The following SLC22A16 variants were observed in gnomAD, a reference collection of about 807,000 sequenced individuals.
SLC22A16 encodes solute carrier family 22 member 16.
Under a neutral mutation model 52.9 loss-of-function variants are expected in SLC22A16, and 53 were observed. That is an observed-to-expected ratio of 1.00 (90% CI 0.80 to 1.26). The LOEUF (loss-of-function observed/expected upper bound fraction) is 1.26, where lower values mean the gene tolerates loss of function less well. SLC22A16 is among the 50% of genes most tolerant of loss of function. SLC22A16 has a pLI of 0.00. For missense variants in SLC22A16, 726 were observed against 704.0 expected (o/e 1.03, Z -0.35); for synonymous variants, 291 against 268.8 (o/e 1.08, Z -0.81).
intron 1 of SLC22A16, among the ~76,000 whole-genome samples, chr6:110,474,421 T>C (rs564505060): frequency 6.6e-6 from 1 of 152,306 alleles, no homozygotes; most frequent in African/African-American, 2.4e-5. Flanking sequence ...TTAGAACAAA[T>C]ACCTGAGAAA....
rs1187342031 is a variant in SLC22A16, at chr6:110,446,987, T to A, written c.537A>T (p.Leu179=). The A allele has an allele frequency of 1.9e-6, 3 of 1,611,756 alleles. No homozygotes were observed. Among genetic ancestry groups the A allele is most frequent in the East Asian group, 4.5e-5 (2 of 44,872 alleles). ...TGGCCCACAAGACCACCCGGCGTCC[T>A]AGCCTGAAAAATAAGAGTCACACAG... ...SVTFGYFSDR[L]GRRVVLWATS... The change falls in exon 3 of 8, where the codon CTA becomes CTT. Residue 179 remains leucine, a synonymous_variant. Coordinates refer to ENST00000368919, the MANE Select transcript of SLC22A16 (RefSeq NM_033125.4).
chr6:110,456,510 T>C, intron 2 of SLC22A16, 28 bp downstream of exon 2: 1 of 1,610,116 alleles, frequency 6.2e-7, no homozygotes, highest in Non-Finnish European at 8.5e-7. Flanking sequence ...CCTACACTGA[T>C]ACAACAATCC....
intron 1 of SLC22A16, among the ~76,000 whole-genome samples, chr6:110,472,861 A>AGG (rs1268619524): frequency 2.0e-5 from 3 of 152,238 alleles, no homozygotes; most frequent in African/African-American, 7.2e-5. Flanking sequence ...CAGAAGCCCC[A>AGG]GGGAATGGAC....
At chr6:110,457,703 G>C (rs991915310) in intron 1 of SLC22A16, among the ~76,000 whole-genome samples, 1 of 152,204 alleles carries the variant, frequency 6.6e-6, no homozygotes, top group Non-Finnish European at 1.5e-5. Flanking sequence ...AAGGGACATG[G>C]TGAGAAGTGA....
At chr6:110,454,442 C>G (rs1437188499) in intron 2 of SLC22A16, among the ~76,000 whole-genome samples, 1 of 149,316 alleles carries the variant, frequency 6.7e-6, no homozygotes, top group African/African-American at 2.5e-5. Flanking sequence ...AAATGAATAC[C>G]AGTTAATGGT....
chr6:110,450,611 C>CAA (rs35567505), intron 2 of SLC22A16, among the ~76,000 whole-genome samples: 4,107 of 47,422 alleles, frequency 0.087, 318 homozygotes, highest in East Asian at 0.17. Flanking sequence ...GACATCTTCT[C>CAA]AAAAAAAAAA....
intron 2 of SLC22A16, among the ~76,000 whole-genome samples, chr6:110,447,615 T>C (rs1046131162): frequency 1.3e-5 from 2 of 152,186 alleles, no homozygotes; most frequent in Non-Finnish European, 2.9e-5. Context: ...CCAGGATACG[T>C]TAATCACTCC....
At position 110,424,753 on chromosome 6, in the gene SLC22A16, C is replaced by T; in HGVS notation, c.*120G>A. On this transcript the variant is annotated 3_prime_UTR_variant, in exon 8 of 8. Coordinates refer to ENST00000368919, the MANE Select transcript of SLC22A16 (RefSeq NM_033125.4). ...TATAACATATTTGCTTTAAAATTTTCTTACAAAATTTATTAAAAAGACATA... is the reference window on the plus strand; with the variant it reads ...TATAACATATTTGCTTTAAAATTTTTTTACAAAATTTATTAAAAAGACATA... 1.8e-5 allele frequency: 21 copies of T among 1,165,672 alleles called. No individual in the cohort carries two copies. Among genetic ancestry groups the T allele is most frequent in the East Asian group, 8.1e-5 (3 of 37,212 alleles). The allele number at this position is 1,165,672 out of a possible 1,614,324, so 72.2% of individuals were successfully genotyped here.
chr6:110,443,458 T>C (rs1279354962), intron 3 of SLC22A16, among the ~76,000 whole-genome samples: 1 of 151,954 alleles, frequency 6.6e-6, no homozygotes, highest in African/African-American at 2.4e-5. Flanking sequence ...TTTTTACCAA[T>C]CATTGAGAAA....
chr6:110,431,135 T>C (rs1774482886), intron 7 of SLC22A16, 36 bp downstream of exon 7: 1 of 1,566,536 alleles, frequency 6.4e-7, no homozygotes, highest in Non-Finnish European at 8.8e-7. Context: ...ACTGCCTCCG[T>C]GCCCCCTTGG....
chr6:110,450,632 A>AAAC (rs1403062099), intron 2 of SLC22A16, among the ~76,000 whole-genome samples: 2 of 151,624 alleles, frequency 1.3e-5, no homozygotes, highest in Non-Finnish European at 2.9e-5. Context: ...AAAAAAAAAA[A>AAAC]AAAGCATTTA....
chr6:110,427,575 A>G (rs1373710794), intron 7 of SLC22A16, among the ~76,000 whole-genome samples: 1 of 152,106 alleles, frequency 6.6e-6, no homozygotes, highest in Non-Finnish European at 1.5e-5. Flanking sequence ...GCTTGGTAGT[A>G]AGACTAGTCA....
chr6:110,460,944 T>C (rs1365083363), intron 1 of SLC22A16, among the ~76,000 whole-genome samples: 1 of 152,008 alleles, frequency 6.6e-6, no homozygotes, highest in African/African-American at 2.4e-5. Flanking sequence ...AAAGGGGCGG[T>C]AGTAGTAGCT....
intron 1 of SLC22A16, among the ~76,000 whole-genome samples, chr6:110,471,825 A>G (rs1776270615): frequency 6.6e-6 from 1 of 152,296 alleles, no homozygotes; most frequent in East Asian, 1.9e-4. Flanking sequence ...TATATGTAAT[A>G]TATCAATTTA....
chr6:110,456,581 C>A lies in SLC22A16; in HGVS notation c.490G>T (p.Gly164Ter). 6.2e-7 allele frequency: 1 copy of A among 1,614,158 alleles called. No homozygotes were observed. Among genetic ancestry groups the A allele is most frequent in the Non-Finnish European group, 8.5e-7 (1 of 1,180,018 alleles). The change falls in exon 2 of 8, where the codon GGA becomes TGA. Residue 164 changes from glycine (G) to a stop codon, truncating the protein, a stop_gained. Coordinates refer to ENST00000368919, the MANE Select transcript of SLC22A16 (RefSeq NM_033125.4). LOFTEE classifies it high-confidence loss of function. ...AAAGTCACCGATCCCAGTAGGACTC[C>A]AAACATAAATAGGGGCTGGATCAGC... ...AMLIQPLFMFGVLLGSVTFGY... is the reference protein window; with the variant it reads ...AMLIQPLFMF
chr6:110,443,484 CAA>C (rs1775053643), intron 3 of SLC22A16, among the ~76,000 whole-genome samples: 1 of 151,530 alleles, frequency 6.6e-6, no homozygotes, highest in South Asian at 2.1e-4. Flanking sequence ...TTCAATGCTA[CAA>C]AGAGATACCC....
At chr6:110,474,694 G>A (rs149440380) in intron 1 of SLC22A16, among the ~76,000 whole-genome samples, 58 of 152,330 alleles carry the variant, frequency 3.8e-4, no homozygotes, top group Non-Finnish European at 6.3e-4. Context: ...CCATGGGTGC[G>A]CAGCTGCTCC....
At chr6:110,426,866 C>T (rs1229071355) in intron 7 of SLC22A16, among the ~76,000 whole-genome samples, 1 of 151,908 alleles carries the variant, frequency 6.6e-6, no homozygotes, top group Non-Finnish European at 1.5e-5. Context: ...ATGAGAACTG[C>T]TTGAACCCAG....
At chr6:110,476,461 G>T in intron 1 of SLC22A16, 61 bp downstream of exon 1, 1 of 1,456,500 alleles carries the variant, frequency 6.9e-7, no homozygotes, top group Admixed American at 2.6e-5. Context: ...CGCCGCAACG[G>T]AAAGAAACAG....
Sources: allele counts gnomAD v4.1 joint callset (sites outside exome capture counted in the v4.1 genomes callset), GRCh38; gene constraint gnomAD v4.1.1; transcripts MANE v1.5; gene names NCBI Gene and HGNC (gene_info 2026-07-23, HGNC 2026-07-21).